Variants in CRTC3 observed in about 807,000 individuals in gnomAD.
CRTC3 encodes CREB-regulated transcription coactivator 3.
In CRTC3, 26 loss-of-function variants were observed where a neutral mutation model predicts 74.5. That is an observed-to-expected ratio of 0.35 (90% CI 0.26 to 0.48). The LOEUF (loss-of-function observed/expected upper bound fraction) is 0.48, where lower values mean the gene tolerates loss of function less well. Ranked by LOEUF, CRTC3 falls within the 20% of genes least tolerant of loss-of-function variation. The probability of loss-of-function intolerance (pLI) is 0.99; values close to 1 mark genes in which losing one functional copy is unlikely to be tolerated. For missense variants in CRTC3, 760 were observed against 787.3 expected, an observed-to-expected ratio of 0.97 and a Z score of 0.41; for synonymous variants, 377 against 325.8, an observed-to-expected ratio of 1.16 and a Z score of -1.69.
intron 9 of CRTC3, among the ~76,000 whole-genome samples, chr15:90,621,903 G>A (rs536192559): frequency 4.9e-4 from 75 of 152,300 alleles, no homozygotes; most frequent in African/African-American, 1.7e-3. Flanking sequence ...AACAGATCAA[G>A]TTCCTGCTTT....
At position 90,642,684 on chromosome 15, in the gene CRTC3, CGACAT is replaced by C. The variant is rs1416454896; in HGVS notation, c.*547_*551del. 1 of 232,154 alleles carries C rather than the reference CGACAT, an allele frequency of 4.3e-6. No homozygotes were observed. The highest frequency in any genetic ancestry group is 8.5e-6 in the Non-Finnish European group (1 of 117,242). The allele number at this position is 232,154 out of a possible 1,614,324, so 14.4% of individuals were successfully genotyped here. On this transcript the variant is annotated 3_prime_UTR_variant, in exon 15 of 15. Coordinates refer to ENST00000268184, the MANE Select transcript of CRTC3 (RefSeq NM_022769.5). Reference sequence around the variant, plus strand: ...ACGGCTCTCTCCCACGCCTGGATTACGACATGAAGTTTTTACCACAAGCCCGAGGG... The same window carrying C: ...ACGGCTCTCTCCCACGCCTGGATTACGAAGTTTTTACCACAAGCCCGAGGG...
At chr15:90,639,266 G>A (rs1359647872) in intron 13 of CRTC3, among the ~76,000 whole-genome samples, 2 of 152,102 alleles carry the variant, frequency 1.3e-5, no homozygotes, top group African/African-American at 2.4e-5. Flanking sequence ...CCTGGGGAGT[G>A]AGGGGAGTGC....
At chr15:90,628,976 C>T (rs1222700162) in intron 10 of CRTC3, among the ~76,000 whole-genome samples, 1 of 152,128 alleles carries the variant, frequency 6.6e-6, no homozygotes, top group Non-Finnish European at 1.5e-5. Context: ...GTTTTGCTCA[C>T]CTAGGGGTTG....
intron 6 of CRTC3, among the ~76,000 whole-genome samples, chr15:90,612,161 T>G (rs1320721710): frequency 2.7e-5 from 4 of 150,874 alleles, no homozygotes; most frequent in African/African-American, 9.7e-5. Flanking sequence ...ATCTTCCAGG[T>G]ACTACAGCAA....
At chr15:90,624,946 G>C (rs1259279690) in intron 9 of CRTC3, 1 of 152,534 alleles carries the variant, frequency 6.6e-6, no homozygotes, top group Non-Finnish European at 1.5e-5. Context: ...CAGAACTAGG[G>C]GGAAGAGAAG....
At chr15:90,626,513 C>T (rs1968839012) in intron 10 of CRTC3, among the ~76,000 whole-genome samples, 1 of 152,128 alleles carries the variant, frequency 6.6e-6, no homozygotes, top group South Asian at 2.1e-4. Context: ...TATAAAGATG[C>T]TACCCATAAT....
intron 1 of CRTC3, among the ~76,000 whole-genome samples, chr15:90,532,489 T>A (rs1387949140): frequency 6.6e-6 from 1 of 152,176 alleles, no homozygotes; most frequent in Non-Finnish European, 1.5e-5. Context: ...TACTAGCCCA[T>A]GACAGACATG....
intron 3 of CRTC3, chr15:90,596,012 T>C (rs12438183): frequency 0.86 from 131,489 of 152,258 alleles, 57,161 homozygotes; most frequent in African/African-American, 0.94. Context: ...CAGCTTGAAC[T>C]AGTCTGGGGA....
chr15:90,568,351 T>A (rs1967173045), intron 2 of CRTC3, among the ~76,000 whole-genome samples: 1 of 152,100 alleles, frequency 6.6e-6, no homozygotes, highest in African/African-American at 2.4e-5. Context: ...TCGAGAGGAT[T>A]GACTCCAATT....
chr15:90,572,467 A>G (rs1210791254), intron 2 of CRTC3, among the ~76,000 whole-genome samples: 1 of 152,226 alleles, frequency 6.6e-6, no homozygotes, highest in Non-Finnish European at 1.5e-5. Context: ...TTTAAAATTA[A>G]GGTAGATATT....
At chr15:90,607,319 T>A in intron 5 of CRTC3, 59 bp from the exon 6 acceptor site, 1 of 949,166 alleles carries the variant, frequency 1.1e-6, no homozygotes, top group Non-Finnish European at 1.7e-6. Flanking sequence ...CAACAAAGAC[T>A]ATTGCATTTT....
chr15:90,575,040 A>G (rs1343901019), intron 2 of CRTC3, among the ~76,000 whole-genome samples: 3 of 151,980 alleles, frequency 2.0e-5, no homozygotes, highest in African/African-American at 4.8e-5. Flanking sequence ...AGACATTACA[A>G]TTTTTTCATG....
At chr15:90,623,105 C>T (rs1448258317) in intron 9 of CRTC3, among the ~76,000 whole-genome samples, 1 of 152,160 alleles carries the variant, frequency 6.6e-6, no homozygotes, top group Non-Finnish European at 1.5e-5. Context: ...CGAGGTCCCT[C>T]CTAGTCAGGC....
At chr15:90,625,244 A>G (rs953507924) in intron 9 of CRTC3, among the ~76,000 whole-genome samples, 1 of 152,224 alleles carries the variant, frequency 6.6e-6, no homozygotes, top group African/African-American at 2.4e-5. Flanking sequence ...CTTGTTCATC[A>G]TGGTGCCGCC....
intron 2 of CRTC3, among the ~76,000 whole-genome samples, chr15:90,585,704 C>T (rs1967644659): frequency 6.6e-6 from 1 of 152,076 alleles, no homozygotes; most frequent in Non-Finnish European, 1.5e-5. Flanking sequence ...AGCAGAATTC[C>T]ACTCCCTCTT....
At chr15:90,531,923 A>T (rs1047287145) in intron 1 of CRTC3, among the ~76,000 whole-genome samples, 1 of 151,990 alleles carries the variant, frequency 6.6e-6, no homozygotes, top group Non-Finnish European at 1.5e-5. Flanking sequence ...AAAAGCAAAA[A>T]TTTTTCACAG....
At chr15:90,541,716 A>G (rs1262464671) in intron 2 of CRTC3, among the ~76,000 whole-genome samples, 1 of 151,198 alleles carries the variant, frequency 6.6e-6, no homozygotes, top group African/African-American at 2.4e-5. Context: ...AGAATTTACT[A>G]TGATGTTCCC....
chr15:90,611,902 C>T (rs1968363521), intron 6 of CRTC3, among the ~76,000 whole-genome samples: 1 of 152,164 alleles, frequency 6.6e-6, no homozygotes, highest in African/African-American at 2.4e-5. Flanking sequence ...CTTCCATCCC[C>T]TACATCCTGC....
intron 5 of CRTC3, among the ~76,000 whole-genome samples, chr15:90,605,585 A>G (rs866297842): frequency 1.6e-5 from 2 of 127,984 alleles, no homozygotes; most frequent in South Asian, 3.0e-4. Flanking sequence ...TTCGTTTGAT[A>G]TTCTCTTGAG....
Sources: allele counts gnomAD v4.1 joint callset (sites outside exome capture counted in the v4.1 genomes callset), GRCh38; gene constraint gnomAD v4.1.1; transcripts MANE v1.5; gene names NCBI Gene and HGNC (gene_info 2026-07-23, HGNC 2026-07-21).